Variants in NEDD4L observed in about 807,000 individuals in gnomAD.
NEDD4L encodes E3 ubiquitin-protein ligase NEDD4-like.
In NEDD4L, 54 loss-of-function variants were observed where a neutral mutation model predicts 148.9. That is an observed-to-expected ratio of 0.36 (90% CI 0.29 to 0.45). The LOEUF is 0.45. Among genes scored for constraint, NEDD4L ranks in the 20% least tolerant of loss-of-function variants. The pLI is 1.00. For missense variants in NEDD4L, 856 were observed against 1,233.8 expected, an observed-to-expected ratio of 0.69 and a Z score of 4.59; for synonymous variants, 433 against 440.7, an observed-to-expected ratio of 0.98 and a Z score of 0.22.
intron 5 of NEDD4L, among the ~76,000 whole-genome samples, chr18:58,267,525 C>A (rs2148756699): frequency 6.6e-6 from 1 of 152,056 alleles, no homozygotes. Flanking sequence ...AGATCCTGGT[C>A]CCTGGCCTGT....
rs937997820 is a variant in NEDD4L, at chr18:58,262,554, G to A, written c.297+10500G>A. ...TGAGGTGGGAGGATCTCTTGAACCC[G>A]GGAGGCGGAGGTTGCAGTGAGCTGA... On this transcript the variant is annotated intron_variant, in intron 5 of 30. Transcript: ENST00000400345. 2.6e-5 allele frequency among the ~76,000 whole-genome samples: 4 copies of A among 151,896 alleles called. No individual in the cohort carries two copies. In the East Asian group the frequency reaches 5.8e-4, roughly 22 times the overall value.
At chr18:58,107,457 C>A (rs137879151) in intron 1 of NEDD4L, among the ~76,000 whole-genome samples, 6 of 152,134 alleles carry the variant, frequency 3.9e-5, no homozygotes, top group African/African-American at 1.4e-4. Context: ...GTGGCTGATT[C>A]CTGTAATCCC....
At chr18:58,147,070 G>C (rs1377735756) in intron 1 of NEDD4L, among the ~76,000 whole-genome samples, 1 of 152,204 alleles carries the variant, frequency 6.6e-6, no homozygotes, top group Non-Finnish European at 1.5e-5. Flanking sequence ...GATGATGGCA[G>C]ATTTCTCTGG....
At chr18:58,094,108 G>C (rs1162212422) in intron 1 of NEDD4L, among the ~76,000 whole-genome samples, 1 of 151,916 alleles carries the variant, frequency 6.6e-6, no homozygotes, top group Non-Finnish European at 1.5e-5. Context: ...AGCTTGCAAA[G>C]TCCTTCTCAT....
At chr18:58,316,218 G>A (rs146524660) in intron 6 of NEDD4L, among the ~76,000 whole-genome samples, 186 bp downstream of exon 6, 596 of 152,308 alleles carry the variant, frequency 3.9e-3, no homozygotes, top group Non-Finnish European at 6.6e-3. Flanking sequence ...GAAGCTGGCT[G>A]TAAGAGTAGT....
chr18:58,343,106 A>G lies in NEDD4L; in HGVS notation c.1575+3A>G. On this transcript the variant is annotated splice_donor_region_variant and intron_variant, in intron 16 of 30. Transcript: ENST00000400345. Reference sequence around the variant, plus strand: ...ATAACACAAAGACTACAACCTGGGTAAGGCTGCTGCTTTTATTTGGCTCCA... The same window carrying G: ...ATAACACAAAGACTACAACCTGGGTGAGGCTGCTGCTTTTATTTGGCTCCA... 6.3e-7 allele frequency: 1 copy of G among 1,583,810 alleles called. No homozygotes were observed. The highest frequency in any genetic ancestry group is 2.3e-5 in the East Asian group (1 of 44,070).
chr18:58,335,749 A>T (rs1057365804), intron 13 of NEDD4L: 2 of 475,722 alleles, frequency 4.2e-6, no homozygotes, highest in African/African-American at 3.9e-5. Context: ...ACATAATTTT[A>T]TTAGGAATAC....
At chr18:58,262,032 G>A (rs1216308660) in intron 5 of NEDD4L, among the ~76,000 whole-genome samples, 1 of 152,122 alleles carries the variant, frequency 6.6e-6, no homozygotes, top group African/African-American at 2.4e-5. Flanking sequence ...ATTCGGACAG[G>A]TTATCATCCT....
intron 1 of NEDD4L, among the ~76,000 whole-genome samples, chr18:58,110,886 C>T (rs1476518274): frequency 6.6e-6 from 1 of 152,184 alleles, no homozygotes; most frequent in Admixed American, 6.5e-5. Flanking sequence ...CTGCTGTTAC[C>T]ATTATCCTTT....
chr18:58,098,054 A>G (rs2084530155), intron 1 of NEDD4L, among the ~76,000 whole-genome samples: 1 of 152,112 alleles, frequency 6.6e-6, no homozygotes, highest in South Asian at 2.1e-4. Flanking sequence ...ACAAAAACCA[A>G]AAGTATAGTT....
chr18:58,289,297 G>A (rs576552657), intron 5 of NEDD4L, among the ~76,000 whole-genome samples: 2 of 152,254 alleles, frequency 1.3e-5, no homozygotes, highest in East Asian at 3.9e-4. Context: ...GGGGCAGGTG[G>A]GAGGAAGTCA....
chr18:58,284,627 A>G (rs1009592436), intron 5 of NEDD4L, among the ~76,000 whole-genome samples: 1 of 152,194 alleles, frequency 6.6e-6, no homozygotes, highest in Non-Finnish European at 1.5e-5. Flanking sequence ...CTTATGGGCA[A>G]GCTGATTTTA....
At position 58,367,856 on chromosome 18, in the gene NEDD4L, A is replaced by C. The variant is rs1218196440; in HGVS notation, c.2174A>C (p.Lys725Thr). 6 of 1,613,860 alleles carry C rather than the reference A, an allele frequency of 3.7e-6. No individual in the cohort carries two copies. The highest frequency in any genetic ancestry group is 4.2e-6 in the Non-Finnish European group (5 of 1,179,888). ...GCTGGTCTGGCCGTATTTCATGGGAAGCTCTTAGATGGTAAGTCTTGAAGT... is the reference window on the plus strand; with the variant it reads ...GCTGGTCTGGCCGTATTTCATGGGACGCTCTTAGATGGTAAGTCTTGAAGT... Reference protein sequence around the residue: ...RVAGLAVFHGKLLDGFFIRPF... With the variant: ...RVAGLAVFHGTLLDGFFIRPF... The change falls in exon 22 of 31, where the codon AAG becomes ACG. Residue 725 changes from lysine (K) to threonine (T), a missense_variant. This residue lies in a region of NEDD4L where 286 missense variants were observed against 531.8 expected (regional missense o/e 0.54). Coordinates refer to ENST00000400345, the MANE Select transcript of NEDD4L (RefSeq NM_001144967.3).
intron 1 of NEDD4L, among the ~76,000 whole-genome samples, chr18:58,118,341 G>T (rs1225153625): frequency 6.6e-6 from 1 of 152,264 alleles, no homozygotes; most frequent in African/African-American, 2.4e-5. Context: ...AGAATTTGTG[G>T]TCTGAACATT....
chr18:58,340,988 C>G (rs762523780), intron 13 of NEDD4L, 50 bp from the exon 14 acceptor site: 6 of 1,562,734 alleles, frequency 3.8e-6, no homozygotes, highest in African/African-American at 2.7e-5. Context: ...TTAAACTGAT[C>G]AGAAAACAAA....
At chr18:58,248,180 C>A (rs1035961980) in intron 3 of NEDD4L, among the ~76,000 whole-genome samples, 2 of 152,166 alleles carry the variant, frequency 1.3e-5, no homozygotes, top group African/African-American at 4.8e-5. Flanking sequence ...AGTCTTCCTT[C>A]CTAGAACATG....
intron 3 of NEDD4L, among the ~76,000 whole-genome samples, chr18:58,246,502 C>A (rs150486152): frequency 3.6e-4 from 55 of 152,098 alleles, no homozygotes; most frequent in African/African-American, 1.2e-3. Context: ...GTCACTCTGT[C>A]CACCCAAGCT....
At chr18:58,377,146 A>C (rs191957673) in intron 24 of NEDD4L, among the ~76,000 whole-genome samples, 46 of 152,258 alleles carry the variant, frequency 3.0e-4, no homozygotes, top group African/African-American at 9.9e-4. Context: ...TGTACTTCCC[A>C]CAAGCACTTT....
At chr18:58,365,057 C>A (rs1901966903) in intron 20 of NEDD4L, among the ~76,000 whole-genome samples, 1 of 152,148 alleles carries the variant, frequency 6.6e-6, no homozygotes, top group South Asian at 2.1e-4. Flanking sequence ...CCTCTGGTGG[C>A]CTGGGCTCCA....
Sources: allele counts gnomAD v4.1 joint callset (sites outside exome capture counted in the v4.1 genomes callset), GRCh38; gene constraint gnomAD v4.1.1; regional missense constraint gnomAD v4.1.1; transcripts MANE v1.5; gene names NCBI Gene and HGNC (gene_info 2026-07-23, HGNC 2026-07-21).